The following ITPR1 variants were observed in gnomAD, a reference collection of about 807,000 sequenced individuals.
ITPR1 encodes the protein inositol 1,4,5-trisphosphate receptor type 1.
In ITPR1, 96 loss-of-function variants were observed where a neutral mutation model predicts 318.4. The ratio of observed to expected loss-of-function variants is 0.30; its 90% CI spans 0.26 to 0.36. The LOEUF (loss-of-function observed/expected upper bound fraction) is 0.36. Ranked by LOEUF, ITPR1 falls within the 10% of genes least tolerant of loss-of-function variation. ITPR1 has a pLI of 1.00. For missense variants in ITPR1, 2,440 were observed against 3,460.2 expected, an observed-to-expected ratio of 0.71 and a Z score of 7.40; for synonymous variants, 1,312 against 1,289.9, an observed-to-expected ratio of 1.02 and a Z score of -0.37.
At chr3:4,656,243 A>G (rs12486970) in intron 12 of ITPR1, among the ~76,000 whole-genome samples, 27,152 of 152,188 alleles carry the variant, frequency 0.18, 3,253 homozygotes, top group Non-Finnish European at 0.27. Flanking sequence ...AGTGGACGTA[A>G]TGCAATTGTG....
chr3:4,650,766 C>A (rs759159946), intron 10 of ITPR1, among the ~76,000 whole-genome samples: 1 of 151,952 alleles, frequency 6.6e-6, no homozygotes, highest in African/African-American at 2.4e-5. Context: ...AATATTTCTC[C>A]TGCCCTGACC....
rs535271607 is a variant in ITPR1 at position 4,504,876 on chromosome 3, T to A, written c.-17+10370T>A. Among the ~76,000 whole-genome samples, 3 of 152,310 alleles carry A rather than the reference T, an allele frequency of 2.0e-5. No homozygotes were observed. In the South Asian group the frequency reaches 6.2e-4, roughly 32 times the overall value. ...CTGGGTGAGGGCATCGCAGGGAGAC[T>A]TGTGCTCACTCTGTAGGGAGTTTCC... On this transcript the variant is annotated intron_variant, in intron 2 of 61. Coordinates refer to ENST00000649015, the MANE Select transcript of ITPR1 (RefSeq NM_001378452.1).
At position 4,635,645 on chromosome 3, in the gene ITPR1, A is replaced by G. The variant is rs1165716043; in HGVS notation, c.280-3739A>G. Among the ~76,000 whole-genome samples, 3 of 150,676 alleles carry G rather than the reference A, an allele frequency of 2.0e-5. No homozygotes were observed. In the East Asian group the frequency reaches 6.0e-4, roughly 30 times the overall value. On this transcript the variant is annotated intron_variant, in intron 5 of 61. Transcript: ENST00000649015. ...CAGGCATGAGCCACTGCGCCCAGCC[A>G]AAAGGTGCTAACTCAGTATCTCACA...
chr3:4,613,510 C>T (rs954991725), intron 4 of ITPR1, among the ~76,000 whole-genome samples: 1 of 152,092 alleles, frequency 6.6e-6, no homozygotes, highest in Non-Finnish European at 1.5e-5. Flanking sequence ...TGTCCTTGGG[C>T]CAGGGAATGC....
intron 4 of ITPR1, among the ~76,000 whole-genome samples, chr3:4,582,724 C>A (rs1438521100): frequency 6.6e-6 from 1 of 151,612 alleles, no homozygotes; most frequent in African/African-American, 2.4e-5. Flanking sequence ...AAGTGTCTTA[C>A]CATCTGTTAG....
At chr3:4,607,401 A>G (rs549765076) in intron 4 of ITPR1, among the ~76,000 whole-genome samples, 1 of 152,264 alleles carries the variant, frequency 6.6e-6, no homozygotes, top group East Asian at 1.9e-4. Context: ...TAAAATGAGG[A>G]TTCCTAGGCC....
At chr3:4,673,457 A>G in intron 21 of ITPR1, 70 bp downstream of exon 21, 1 of 1,351,880 alleles carries the variant, frequency 7.4e-7, no homozygotes, top group Non-Finnish European at 9.7e-7. Flanking sequence ...ATATGGTCTC[A>G]TTAAATCTTA....
At position 4,846,335 on chromosome 3, in the gene ITPR1, G is replaced by GTAAA; in HGVS notation, c.*113_*116dup. ...GGTTACATTTATGCTGAATACATTT[G>GTAAA]TAAATACTCAGTTTTATACTGTATG... On this transcript the variant is annotated 3_prime_UTR_variant, in exon 62 of 62. Transcript: ENST00000649015. 1.5e-6 allele frequency: 1 copy of GTAAA among 677,868 alleles called. No homozygotes were observed. Among genetic ancestry groups the GTAAA allele is most frequent in the South Asian group, 1.9e-5 (1 of 51,746 alleles). 42.0% of individuals were successfully genotyped at this position (677,868 alleles called of 1,614,324 possible). A position where few individuals can be genotyped will look rare whatever the true frequency, so the allele number is the denominator to read the frequency against.
At chr3:4,721,948 TTTC>T (rs1489858034) in intron 40 of ITPR1, among the ~76,000 whole-genome samples, 1 of 152,236 alleles carries the variant, frequency 6.6e-6, no homozygotes, top group African/African-American at 2.4e-5. Context: ...TAAAGTATAA[TTTC>T]TTTCATTTGT....
intron 4 of ITPR1, among the ~76,000 whole-genome samples, chr3:4,522,104 G>A (rs958157625): frequency 1.1e-4 from 17 of 152,114 alleles, no homozygotes; most frequent in Non-Finnish European, 2.4e-4. Context: ...AATCATCTGA[G>A]GAAGTTTTTA....
At chr3:4,736,949 A>G (rs2043317346) in intron 44 of ITPR1, among the ~76,000 whole-genome samples, 1 of 152,178 alleles carries the variant, frequency 6.6e-6, no homozygotes, top group Non-Finnish European at 1.5e-5. Flanking sequence ...GGCATAGTCA[A>G]GTGTGGAAAA....
At chr3:4,615,704 GT>G (rs1371175215) in intron 4 of ITPR1, among the ~76,000 whole-genome samples, 2 of 152,112 alleles carry the variant, frequency 1.3e-5, no homozygotes, top group South Asian at 2.1e-4. Context: ...ACCTTTCCCT[GT>G]GTTTAAGCTG....
chr3:4,498,319 C>T (rs566243865), intron 2 of ITPR1, among the ~76,000 whole-genome samples: 3 of 152,222 alleles, frequency 2.0e-5, no homozygotes, highest in Admixed American at 1.3e-4. Context: ...AGGAGGCAAA[C>T]GAGTTGACCC....
chr3:4,824,743 G>A (rs1226256501), intron 60 of ITPR1, among the ~76,000 whole-genome samples: 1 of 152,176 alleles, frequency 6.6e-6, no homozygotes, highest in Non-Finnish European at 1.5e-5. Context: ...CAGTAAGACA[G>A]GAGTTAGATG....
intron 60 of ITPR1, among the ~76,000 whole-genome samples, chr3:4,824,614 G>A (rs989282603): frequency 2.0e-4 from 30 of 152,198 alleles, no homozygotes; most frequent in African/African-American, 2.2e-4. Flanking sequence ...CCCCGACCCC[G>A]AGTGATACTG....
At chr3:4,655,716 G>A (rs2093691499) in intron 12 of ITPR1, among the ~76,000 whole-genome samples, 1 of 152,172 alleles carries the variant, frequency 6.6e-6, no homozygotes. Flanking sequence ...ACGTTTTCGT[G>A]CTTTTTGGCG....
At chr3:4,798,258 T>TA (rs1206317399) in intron 53 of ITPR1, among the ~76,000 whole-genome samples, 2 of 152,092 alleles carry the variant, frequency 1.3e-5, no homozygotes, top group East Asian at 1.9e-4. Flanking sequence ...AACTCAACAA[T>TA]AAAAAAACTA....
chr3:4,745,711 C>T (rs935463625), intron 44 of ITPR1, among the ~76,000 whole-genome samples: 7 of 152,214 alleles, frequency 4.6e-5, no homozygotes, highest in Admixed American at 6.5e-5. Context: ...ATACAGCTCT[C>T]GGTCCCACCT....
chr3:4,644,290 C>A, intron 8 of ITPR1, 56 bp downstream of exon 8: 1 of 1,225,808 alleles, frequency 8.2e-7, no homozygotes, highest in African/African-American at 1.5e-5. Context: ...GCGGGTCTGG[C>A]AGGCGCCAGT....
Sources: allele counts gnomAD v4.1 joint callset (sites outside exome capture counted in the v4.1 genomes callset), GRCh38; gene constraint gnomAD v4.1.1; transcripts MANE v1.5; gene names NCBI Gene and HGNC (gene_info 2026-07-23, HGNC 2026-07-21).